Variants in DPP6 observed in about 807,000 individuals in gnomAD.
DPP6 encodes the protein dipeptidyl peptidase like 6.
Under a neutral mutation model 122.6 loss-of-function variants are expected in DPP6, and 69 were observed. That is an observed-to-expected ratio of 0.56 (90% CI 0.46 to 0.69). The LOEUF (loss-of-function observed/expected upper bound fraction) is 0.69. Ranked by LOEUF, DPP6 falls within the 30% of genes least tolerant of loss-of-function variation. DPP6 has a pLI of 0.00. For missense variants in DPP6, 928 were observed against 1,116.9 expected (o/e 0.83, Z 2.41); for synonymous variants, 418 against 433.1 (o/e 0.97, Z 0.43).
intron 16 of DPP6, among the ~76,000 whole-genome samples, chr7:154,853,262 C>G (rs1442562487): frequency 6.6e-6 from 1 of 152,168 alleles, no homozygotes; most frequent in African/African-American, 2.4e-5. Context: ...AAGCTGCCAG[C>G]TAGTGATTCA....
intron 1 of DPP6, among the ~76,000 whole-genome samples, chr7:154,339,655 G>C (rs1010687885): frequency 1.3e-5 from 2 of 150,750 alleles, no homozygotes; most frequent in Admixed American, 1.3e-4. Context: ...TTTTTTCATT[G>C]CATTGGGTTA....
At chr7:154,768,844 C>T (rs1216143797) in intron 8 of DPP6, among the ~76,000 whole-genome samples, 2 of 152,188 alleles carry the variant, frequency 1.3e-5, no homozygotes, top group Non-Finnish European at 2.9e-5. Flanking sequence ...TAAGAAGCCA[C>T]ACAGAGTGAG....
At chr7:153,958,659 C>T (rs532746351) in intron 1 of DPP6, among the ~76,000 whole-genome samples, 1 of 152,312 alleles carries the variant, frequency 6.6e-6, no homozygotes, top group South Asian at 2.1e-4. Flanking sequence ...GGGTTGCATC[C>T]TTGGTACAGC....
intron 5 of DPP6, among the ~76,000 whole-genome samples, chr7:154,623,649 A>ACACGCACCCACG (rs150798712): frequency 4.4e-5 from 2 of 45,236 alleles, no homozygotes; most frequent in Admixed American, 1.7e-4. Flanking sequence ...ACACGCGCAC[A>ACACGCACCCACG]CACGCGCACA....
chr7:154,559,120 A>G (rs1265862285), intron 4 of DPP6, among the ~76,000 whole-genome samples: 1 of 152,108 alleles, frequency 6.6e-6, no homozygotes, highest in Non-Finnish European at 1.5e-5. Context: ...GAAAACTGCT[A>G]AGATAAATGT....
At chr7:153,844,698 A>G in the DPP6 span, among the ~76,000 whole-genome samples, 262 of 152,354 alleles carry the variant, frequency 1.7e-3, 3 homozygotes, top group Non-Finnish European at 2.4e-3. Flanking sequence ...TTGCACTTCA[A>G]ATATTGGAAG....
chr7:153,835,900 C>T, the DPP6 span, among the ~76,000 whole-genome samples: 8 of 152,246 alleles, frequency 5.3e-5, no homozygotes, highest in South Asian at 2.1e-4. Context: ...GGAATTATTA[C>T]GGCAGCTGCC....
chr7:154,001,315 C>T (rs995223097), intron 1 of DPP6, among the ~76,000 whole-genome samples: 17 of 148,294 alleles, frequency 1.1e-4, no homozygotes, highest in African/African-American at 2.5e-4. Context: ...TTTTCATGCC[C>T]TAATCAATAG....
intron 8 of DPP6, among the ~76,000 whole-genome samples, chr7:154,762,571 C>T (rs184740865): frequency 1.2e-4 from 18 of 152,324 alleles, no homozygotes; most frequent in Admixed American, 9.1e-4. Flanking sequence ...GCATTGGACC[C>T]GATGGCCTTG....
intron 25 of DPP6, 34 bp downstream of exon 25, chr7:154,889,564 G>A: frequency 6.3e-7 from 1 of 1,583,680 alleles, no homozygotes; most frequent in Non-Finnish European, 8.6e-7. Context: ...TTTGAACCTG[G>A]AGCAAGACAT....
chr7:154,756,982 C>T (rs6976757), intron 8 of DPP6, among the ~76,000 whole-genome samples: 32,153 of 150,962 alleles, frequency 0.21, 3,390 homozygotes, highest in African/African-American at 0.22. Context: ...GCCCCTTCTC[C>T]ATCCCTCACG....
intron 6 of DPP6, among the ~76,000 whole-genome samples, chr7:154,651,282 A>T (rs573952309): frequency 6.6e-6 from 1 of 152,312 alleles, no homozygotes; most frequent in Non-Finnish European, 1.5e-5. Context: ...AACCACATTC[A>T]TTAGAGAATG....
chr7:153,832,893 T>C, the DPP6 span, among the ~76,000 whole-genome samples: 18 of 152,318 alleles, frequency 1.2e-4, no homozygotes, highest in South Asian at 2.7e-3. Context: ...GCAATAGAGA[T>C]AGTGTACTGT....
intron 16 of DPP6, among the ~76,000 whole-genome samples, chr7:154,830,449 TTGAGA>T (rs1385241384): frequency 6.6e-6 from 1 of 152,190 alleles, no homozygotes; most frequent in Non-Finnish European, 1.5e-5. Flanking sequence ...GAAAGGTAGA[TTGAGA>T]TAAGTAGAGC....
intron 1 of DPP6, among the ~76,000 whole-genome samples, chr7:154,276,117 A>G (rs558830185): frequency 5.9e-5 from 9 of 152,334 alleles, no homozygotes; most frequent in African/African-American, 1.4e-4. Flanking sequence ...TGCTAAAACA[A>G]TACAATGCTT....
intron 1 of DPP6, among the ~76,000 whole-genome samples, chr7:154,307,626 C>T (rs1018698972): frequency 3.3e-5 from 5 of 152,098 alleles, no homozygotes; most frequent in African/African-American, 1.2e-4. Context: ...CTGCTTAGAA[C>T]ATAAAGAGGT....
intron 17 of DPP6, among the ~76,000 whole-genome samples, chr7:154,859,565 A>C (rs1293766241): frequency 6.6e-6 from 1 of 152,218 alleles, no homozygotes; most frequent in Non-Finnish European, 1.5e-5. Context: ...CACTGACCCC[A>C]AAACCACCCT....
At chr7:154,237,675 T>C (rs1801306301) in intron 1 of DPP6, among the ~76,000 whole-genome samples, 1 of 152,120 alleles carries the variant, frequency 6.6e-6, no homozygotes, top group Non-Finnish European at 1.5e-5. Context: ...TTCCTTCTCC[T>C]CCTTCCAGCT....
the DPP6 span, among the ~76,000 whole-genome samples, chr7:153,759,012 C>T: frequency 7.2e-5 from 11 of 151,742 alleles, no homozygotes; most frequent in African/African-American, 9.7e-5. Context: ...CTGAGGCTTC[C>T]GGTTCCCCCA....
Sources: allele counts gnomAD v4.1 joint callset (sites outside exome capture counted in the v4.1 genomes callset), GRCh38; gene constraint gnomAD v4.1.1; transcripts MANE v1.5; gene names NCBI Gene and HGNC (gene_info 2026-07-23, HGNC 2026-07-21).